The following UBE2W variants were observed in gnomAD, a reference collection of about 807,000 sequenced individuals.
UBE2W encodes ubiquitin conjugating enzyme E2 W.
In UBE2W, 18 loss-of-function variants were observed where a neutral mutation model predicts 27.2. That is an observed-to-expected ratio of 0.66 (90% CI 0.46 to 0.98). The LOEUF (loss-of-function observed/expected upper bound fraction) is 0.98. UBE2W is among the 50% of genes least tolerant of loss of function. The pLI is 0.00. For missense variants in UBE2W, 90 were observed against 180.2 expected (o/e 0.50, Z 2.87); for synonymous variants, 53 against 57.2 (o/e 0.93, Z 0.33).
chr8:73,863,591 GA>G (rs61406096), intron 1 of UBE2W, among the ~76,000 whole-genome samples: 67,281 of 146,426 alleles, frequency 0.46, 15,932 homozygotes, highest in Admixed American at 0.58. Flanking sequence ...AAAAAAAAAA[GA>G]AAAAAAAATA....
intron 5 of UBE2W, 42 bp from the exon 6 acceptor site, chr8:73,794,157 T>C (rs1214019279): frequency 3.1e-6 from 5 of 1,602,078 alleles, no homozygotes; most frequent in Middle Eastern, 1.7e-4. Flanking sequence ...AAGTCAAGCA[T>C]GTATAAGTAA....
At chr8:73,807,068 C>G (rs1206316087) in intron 4 of UBE2W, among the ~76,000 whole-genome samples, 1 of 152,164 alleles carries the variant, frequency 6.6e-6, no homozygotes, top group Non-Finnish European at 1.5e-5. Flanking sequence ...AAATGTTACC[C>G]TCTACAAAGA....
chr8:73,866,996 T>A, intron 1 of UBE2W, among the ~76,000 whole-genome samples: 1 of 146,316 alleles, frequency 6.8e-6, no homozygotes. Flanking sequence ...AGAGCGAGGC[T>A]CCGTCCCAAA....
At position 73,786,542 on chromosome 8, in the gene UBE2W, G is replaced by A; in HGVS notation, c.*7560C>T. The stretch of plus-strand genomic sequence containing the variant: ...AGATGACTGGTAGGGAGAGAAGAAA[G>A]GACAAGGATGATAACCTTTCAGCTA... On this transcript the variant is annotated 3_prime_UTR_variant, in exon 6 of 6. Transcript: ENST00000602593. 2.0e-6 allele frequency: 2 copies of A among 985,412 alleles called. No individual in the cohort carries two copies. Among genetic ancestry groups the A allele is most frequent in the Non-Finnish European group, 2.4e-6 (2 of 829,920 alleles). The allele number at this position is 985,412 out of a possible 1,614,324, so 61.0% of individuals were successfully genotyped here.
chr8:73,829,682 C>A (rs1446268727), intron 2 of UBE2W, among the ~76,000 whole-genome samples: 7 of 151,950 alleles, frequency 4.6e-5, no homozygotes, highest in African/African-American at 1.7e-4. Flanking sequence ...GTCAAAGGTA[C>A]CCAAAACTGT....
At chr8:73,840,431 T>C (rs1045096004) in intron 1 of UBE2W, among the ~76,000 whole-genome samples, 1 of 152,216 alleles carries the variant, frequency 6.6e-6, no homozygotes, top group African/African-American at 2.4e-5. Flanking sequence ...CATTAACACA[T>C]TTTGAAAATT....
At chr8:73,835,816 G>A (rs1271682454) in intron 1 of UBE2W, among the ~76,000 whole-genome samples, 1 of 152,084 alleles carries the variant, frequency 6.6e-6, no homozygotes, top group Non-Finnish European at 1.5e-5. Flanking sequence ...ACTTGCTCTG[G>A]AGGAATCAAG....
At chr8:73,852,589 A>G (rs1377199375) in intron 1 of UBE2W, among the ~76,000 whole-genome samples, 1 of 152,172 alleles carries the variant, frequency 6.6e-6, no homozygotes, top group African/African-American at 2.4e-5. Flanking sequence ...TGGAAGAATA[A>G]ATTTTTTTTC....
chr8:73,856,650 T>A (rs1418109811), intron 1 of UBE2W, among the ~76,000 whole-genome samples: 1 of 151,634 alleles, frequency 6.6e-6, no homozygotes, highest in Non-Finnish European at 1.5e-5. Context: ...CCACTGTGTC[T>A]GGCCACACTT....
intron 5 of UBE2W, among the ~76,000 whole-genome samples, chr8:73,802,424 C>A (rs759797778): frequency 6.6e-6 from 1 of 152,080 alleles, no homozygotes; most frequent in Admixed American, 6.6e-5. Flanking sequence ...AAGCTATAAA[C>A]ATTTCAAAAT....
intron 2 of UBE2W, among the ~76,000 whole-genome samples, chr8:73,829,909 T>C (rs1374259073): frequency 6.6e-6 from 1 of 152,216 alleles, no homozygotes; most frequent in Non-Finnish European, 1.5e-5. Context: ...TACCACTGTC[T>C]AATAAAATTA....
chr8:73,871,863 C>T (rs1056200008), intron 1 of UBE2W, among the ~76,000 whole-genome samples: 14 of 151,740 alleles, frequency 9.2e-5, no homozygotes, highest in Non-Finnish European at 1.9e-4. Context: ...CTGTCACCCA[C>T]GCTGGAGTGC....
chr8:73,788,575 T>G lies in UBE2W; in HGVS notation c.*5527A>C, dbSNP rs1393135761. 1.0e-6 allele frequency: 1 copy of G among 985,346 alleles called. No homozygotes were observed. The highest frequency in any genetic ancestry group is 1.7e-5 in the African/African-American group (1 of 57,248). The allele number at this position is 985,346 out of a possible 1,614,324, so 61.0% of individuals were successfully genotyped here. A position where few individuals can be genotyped will look rare whatever the true frequency, so the allele number is the denominator to read the frequency against. On this transcript the variant is annotated 3_prime_UTR_variant, in exon 6 of 6. Coordinates refer to ENST00000602593, the MANE Select transcript of UBE2W (RefSeq NM_018299.6). Reference sequence around the variant, plus strand: ...CATTTTCATGGTATCTGACACAATTTACCAAGTTCCTTATGGTAGATTTCA... The same window carrying G: ...CATTTTCATGGTATCTGACACAATTGACCAAGTTCCTTATGGTAGATTTCA...
At chr8:73,781,728 G>C (rs1807849334), downstream of UBE2W, among the ~76,000 whole-genome samples, 1 of 151,004 alleles carries the variant, frequency 6.6e-6, no homozygotes, top group African/African-American at 2.4e-5. Context: ...CACATGTGCA[G>C]ACCACCATGT....
chr8:73,863,710 A>G (rs867464363), intron 1 of UBE2W, among the ~76,000 whole-genome samples: 6 of 151,996 alleles, frequency 3.9e-5, no homozygotes, highest in African/African-American at 1.4e-4. Context: ...GTGAGCCGAG[A>G]TCATGCCAGG....
In UBE2W at chr8:73,860,563, A is replaced by C. The variant is rs145675720; in HGVS notation, c.15+18245T>G. Among the ~76,000 whole-genome samples the C allele has an allele frequency of 3.9e-3, 600 of 152,318 alleles. 5 individuals carry two copies. Among genetic ancestry groups the C allele is most frequent in the South Asian group, 5.4e-3 (26 of 4,824 alleles). On this transcript the variant is annotated intron_variant, in intron 1 of 5. Coordinates refer to ENST00000602593, the MANE Select transcript of UBE2W (RefSeq NM_018299.6). ...CTACAAGGCAGAAGTGAAAAACCCTACGAAAGAGGTAAAACATGATACGGA... is the reference window on the plus strand; with the variant it reads ...CTACAAGGCAGAAGTGAAAAACCCTCCGAAAGAGGTAAAACATGATACGGA...
Position 73,786,617 on chromosome 8 carries a change from G to A in UBE2W, c.*7485C>T. The A allele has an allele frequency of 3.0e-6, 3 of 985,452 alleles. No homozygotes were observed. The highest frequency in any genetic ancestry group is 2.4e-6 in the Non-Finnish European group (2 of 829,954). The allele number at this position is 985,452 out of a possible 1,614,324, so 61.0% of individuals were successfully genotyped here. A position where few individuals can be genotyped will look rare whatever the true frequency, so the allele number is the denominator to read the frequency against. On this transcript the variant is annotated 3_prime_UTR_variant, in exon 6 of 6. Transcript: ENST00000602593. ...GAAACGCAGATCATGAACATTCTAGGAGGGAAGAACATTAGCAGACGGCAG... is the reference window on the plus strand; with the variant it reads ...GAAACGCAGATCATGAACATTCTAGAAGGGAAGAACATTAGCAGACGGCAG...
chr8:73,814,446 G>A (rs12677464), intron 3 of UBE2W, among the ~76,000 whole-genome samples: 32,236 of 152,156 alleles, frequency 0.21, 4,458 homozygotes, highest in East Asian at 0.5. Context: ...TTTAAAGAAC[G>A]ATTTGATGGA....
chr8:73,858,863 G>T (rs1284082542), intron 1 of UBE2W, among the ~76,000 whole-genome samples: 2 of 141,484 alleles, frequency 1.4e-5, no homozygotes, highest in African/African-American at 5.2e-5. Context: ...TCTATCATTA[G>T]GGGGGTTTTT....
Sources: gnomAD v4.1 joint callset for allele counts (sites outside exome capture counted in the v4.1 genomes callset) on GRCh38, gnomAD v4.1.1 for gene constraint, MANE v1.5 for transcripts, NCBI Gene and HGNC (gene_info 2026-07-23, HGNC 2026-07-21) for gene names.